MEGF10: variants seen among roughly 807,000 people sequenced by gnomAD.
MEGF10 encodes multiple epidermal growth factor-like domains protein 10.
Under a neutral mutation model 147.5 loss-of-function variants are expected in MEGF10, and 86 were observed. The observed-to-expected ratio is 0.58, with a 90% CI of 0.49 to 0.70. MEGF10 has a LOEUF of 0.70. Ranked by LOEUF, MEGF10 falls within the 30% of genes least tolerant of loss-of-function variation. The pLI, the probability that MEGF10 is intolerant of heterozygous loss-of-function variation, is 0.00. For missense variants in MEGF10, 1,329 were observed against 1,487.3 expected, an observed-to-expected ratio of 0.89 and a Z score of 1.75; for synonymous variants, 478 against 525.5, an observed-to-expected ratio of 0.91 and a Z score of 1.24.
At position 127,417,821 on chromosome 5, in the gene MEGF10, CTA is replaced by C. The variant is rs1764834352; in HGVS notation, c.1305+10_1305+11del. The C allele has an allele frequency of 6.2e-7, 1 of 1,613,024 alleles. No individual in the cohort carries two copies. Among genetic ancestry groups the C allele is most frequent in the South Asian group, 1.1e-5 (1 of 90,848 alleles). On this transcript the variant is annotated intron_variant, in intron 10 of 24. Transcript: ENST00000503335. ...GTGCCCCAGGATTCAAAGTGAGTGA[CTA>C]GGGCTCTGGAGGAAGGAGAAGAGGG... is the stretch of plus-strand genomic sequence containing the variant.
intron 8 of MEGF10, among the ~76,000 whole-genome samples, chr5:127,405,314 A>G (rs1019157651): frequency 8.5e-5 from 13 of 152,092 alleles, no homozygotes; most frequent in African/African-American, 3.1e-4. Context: ...AGATACTGTC[A>G]TGTTTGTTGC....
chr5:127,404,206 CTGA>C (rs1764239499), intron 8 of MEGF10, among the ~76,000 whole-genome samples: 1 of 151,764 alleles, frequency 6.6e-6, no homozygotes, highest in Non-Finnish European at 1.5e-5. Flanking sequence ...TTGCATTTCT[CTGA>C]TGATCAATTG....
At chr5:127,282,576 T>A in the MEGF10 span, among the ~76,000 whole-genome samples, 1,409 of 152,372 alleles carry the variant, frequency 9.2e-3, 25 homozygotes, top group African/African-American at 0.033. Flanking sequence ...TGACTTAGAA[T>A]CTATTGCATT....
chr5:127,300,719 G>C (rs2126712936), intron 1 of MEGF10, among the ~76,000 whole-genome samples: 2 of 152,268 alleles, frequency 1.3e-5, no homozygotes, highest in South Asian at 4.1e-4. Context: ...TTTGAATCCT[G>C]GTGCAGCTGG....
intron 8 of MEGF10, among the ~76,000 whole-genome samples, chr5:127,405,152 C>T (rs1764275996): frequency 6.6e-6 from 1 of 152,156 alleles, no homozygotes; most frequent in African/African-American, 2.4e-5. Context: ...TATGTAAATA[C>T]TAGTGATTAT....
the MEGF10 span, among the ~76,000 whole-genome samples, chr5:127,232,093 C>T: frequency 0.052 from 7,946 of 152,278 alleles, 711 homozygotes; most frequent in African/African-American, 0.18. Flanking sequence ...ACAACAGTTC[C>T]TTCACCTCAG....
At chr5:127,247,208 A>G in the MEGF10 span, among the ~76,000 whole-genome samples, 4 of 144,860 alleles carry the variant, frequency 2.8e-5, no homozygotes, top group Non-Finnish European at 6.0e-5. Context: ...CAAATTTTAA[A>G]TGAGACCATT....
At position 127,459,555 on chromosome 5, in the gene MEGF10, T is replaced by C. The variant is rs1766489709; in HGVS notation, c.*2237T>C. On this transcript the variant is annotated 3_prime_UTR_variant, in exon 25 of 25. Coordinates refer to ENST00000503335, the MANE Select transcript of MEGF10 (RefSeq NM_001256545.2). ...GAATTTCCCCATTGTTCTCTAGAGCTAGGTCAAAAAAACAACTGTTTCTTT... is the reference window on the plus strand; with the variant it reads ...GAATTTCCCCATTGTTCTCTAGAGCCAGGTCAAAAAAACAACTGTTTCTTT... The C allele has an allele frequency of 6.6e-6, 1 of 152,128 alleles. No individual in the cohort carries two copies. Among genetic ancestry groups the C allele is most frequent in the Non-Finnish European group, 1.5e-5 (1 of 68,010 alleles). The allele number at this position is 152,128 out of a possible 1,614,324, so 9.4% of individuals were successfully genotyped here.
At chr5:127,305,633 A>C (rs566070659) in intron 1 of MEGF10, among the ~76,000 whole-genome samples, 1 of 152,112 alleles carries the variant, frequency 6.6e-6, no homozygotes, top group Admixed American at 6.5e-5. Context: ...AAGCAAAAAC[A>C]GAGACAAAAA....
the MEGF10 span, among the ~76,000 whole-genome samples, chr5:127,259,852 T>C: frequency 1.3e-5 from 2 of 152,082 alleles, no homozygotes; most frequent in Non-Finnish European, 2.9e-5. Flanking sequence ...AACTAGCTTA[T>C]ACTGTATAAG....
intron 5 of MEGF10, among the ~76,000 whole-genome samples, chr5:127,392,958 G>A (rs192665403): frequency 2.6e-5 from 4 of 152,266 alleles, no homozygotes; most frequent in South Asian, 2.1e-4. Flanking sequence ...GCCCATTTCC[G>A]GCGGTTAGTG....
the MEGF10 span, among the ~76,000 whole-genome samples, chr5:127,248,340 A>G: frequency 1.3e-5 from 2 of 152,232 alleles, no homozygotes; most frequent in Non-Finnish European, 1.5e-5. Context: ...GAAAATTACT[A>G]TAGAGGCAAA....
chr5:127,389,433 G>A lies in MEGF10; in HGVS notation c.413-7099G>A, dbSNP rs547233329. 2.5e-4 allele frequency among the ~76,000 whole-genome samples: 38 copies of A among 152,252 alleles called. No homozygotes were observed. The South Asian group carries it at 7.7e-3, about 31-fold the overall frequency. On this transcript the variant is annotated intron_variant, in intron 5 of 24. Transcript: ENST00000503335. Reference sequence around the variant, plus strand: ...TCCCATTATTGGGTATATATCCAGAGGAATATAAATTGTTCCAACATAAAG... The same window carrying A: ...TCCCATTATTGGGTATATATCCAGAAGAATATAAATTGTTCCAACATAAAG...
chr5:127,350,512 G>T (rs1205379177), intron 4 of MEGF10, among the ~76,000 whole-genome samples: 2 of 150,814 alleles, frequency 1.3e-5, no homozygotes, highest in African/African-American at 4.9e-5. Context: ...TCCTCCTTTT[G>T]TCTCTCCTCC....
chr5:127,294,861 A>G (rs1430523396), intron 1 of MEGF10, among the ~76,000 whole-genome samples: 1 of 149,798 alleles, frequency 6.7e-6, no homozygotes, highest in African/African-American at 2.4e-5. Flanking sequence ...GAAAAAGGAC[A>G]AGACAGAATA....
intron 1 of MEGF10, among the ~76,000 whole-genome samples, chr5:127,328,905 AG>A (rs1215813196): frequency 6.6e-6 from 1 of 152,222 alleles, no homozygotes; most frequent in African/African-American, 2.4e-5. Context: ...AATATATTAA[AG>A]ATTTTTTTGA....
chr5:127,433,292 T>A, intron 13 of MEGF10, 71 bp from the exon 14 acceptor site: 1 of 1,593,210 alleles, frequency 6.3e-7, no homozygotes, highest in Non-Finnish European at 8.6e-7. Flanking sequence ...TTAGTCCTCA[T>A]CTATGAATTA....
chr5:127,298,346 C>G (rs913327390), intron 1 of MEGF10, among the ~76,000 whole-genome samples: 7 of 152,160 alleles, frequency 4.6e-5, no homozygotes, highest in African/African-American at 7.2e-5. Context: ...TGTTTTTCCC[C>G]CAACACTAAG....
chr5:127,443,089 C>G lies in MEGF10; in HGVS notation c.2454C>G (p.Tyr818Ter). The G allele has an allele frequency of 6.2e-7, 1 of 1,613,748 alleles. No homozygotes were observed. ...STCDHITGTC[Y>*]CSPGWKGARC... is the part of the protein sequence containing the mutation. ...GCGACCACATCACTGGGACCTGTTA[C>G]TGCAGCCCCGGATGGAAGGGAGCGA... The change falls in exon 19 of 25, where the codon TAC becomes TAG. Residue 818 changes from tyrosine (Y) to a stop codon, truncating the protein, a stop_gained. Transcript: ENST00000503335. LOFTEE classifies it high-confidence loss of function.
Sources: gnomAD v4.1 joint callset for allele counts (sites outside exome capture counted in the v4.1 genomes callset) on GRCh38, gnomAD v4.1.1 for gene constraint, MANE v1.5 for transcripts, NCBI Gene and HGNC (gene_info 2026-07-23, HGNC 2026-07-21) for gene names.